RECQL5: variants seen among roughly 807,000 people sequenced by gnomAD.
RECQL5 encodes ATP-dependent DNA helicase Q5.
RECQL5 carries 88 observed loss-of-function variants against 103.4 expected under a neutral mutation model. The observed-to-expected ratio is 0.85, with a 90% CI of 0.72 to 1.02. RECQL5 has a LOEUF of 1.02. Among genes scored for constraint, RECQL5 ranks in the 50% least tolerant of loss-of-function variants. The probability of loss-of-function intolerance (pLI) is 0.00; values close to 1 mark genes in which losing one functional copy is unlikely to be tolerated. For missense variants in RECQL5, 1,232 were observed against 1,284.3 expected, an observed-to-expected ratio of 0.96 and a Z score of 0.62; for synonymous variants, 552 against 507.9, an observed-to-expected ratio of 1.09 and a Z score of -1.17.
chr17:75,640,351 C>T lies in RECQL5; in HGVS notation c.1230-8683G>A. The stretch of plus-strand genomic sequence containing the variant: ...CAGGTTAGTTGGGGCACTCAGCACC[C>T]CATGGCTCTCCCTGGCATCTGGGAG... On this transcript the variant is annotated intron_variant, in intron 8 of 19. Transcript: ENST00000317905. This position sits in a 1 kb window ranked among gnomAD's most constrained non-coding sequence, Gnocchi z 4.6. 1 of 1,521,338 alleles carries T rather than the reference C, an allele frequency of 6.6e-7. No homozygotes were observed. Among genetic ancestry groups the T allele is most frequent in the Non-Finnish European group, 8.9e-7 (1 of 1,129,588 alleles). The allele number at this position is 1,521,338 out of a possible 1,614,324, so 94.2% of individuals were successfully genotyped here.
intron 6 of RECQL5, among the ~76,000 whole-genome samples, chr17:75,659,473 C>A (rs906925267): frequency 6.6e-6 from 1 of 152,288 alleles, no homozygotes; most frequent in Non-Finnish European, 1.5e-5. Flanking sequence ...CCTTCCACCT[C>A]GGCTTCCCAA....
At chr17:75,642,002 C>T (rs1039056076) in intron 8 of RECQL5, among the ~76,000 whole-genome samples, 1 of 152,194 alleles carries the variant, frequency 6.6e-6, no homozygotes, top group Admixed American at 6.5e-5. Context: ...CGGTGCTGGG[C>T]ATATCTTTAG....
chr17:75,663,026 G>A, intron 3 of RECQL5, 29 bp from the exon 4 acceptor site: 2 of 1,554,388 alleles, frequency 1.3e-6, no homozygotes, highest in Non-Finnish European at 1.7e-6. Flanking sequence ...GCTGTAACTG[G>A]CCCTCAGGAC....
intron 8 of RECQL5, chr17:75,649,555 C>T: frequency 1.1e-6 from 1 of 914,114 alleles, no homozygotes; most frequent in Non-Finnish European, 1.3e-6. Flanking sequence ...GGTGCCCGCC[C>T]CAAGGGATCG....
rs1019200115 is a variant in RECQL5 at position 75,630,291 on chromosome 17, G to A, written c.1719-14C>T. 3.2e-6 allele frequency: 5 copies of A among 1,545,188 alleles called. No homozygotes were observed. The highest frequency in any genetic ancestry group is 2.7e-5 in the African/African-American group (2 of 73,126). ...CGGAGGTCAGCTCTGTGGGTGCAAG[G>A]TAACAGGCACAAGGTATCAGGTGGG... is the stretch of plus-strand genomic sequence containing the variant. On this transcript the variant is annotated splice_polypyrimidine_tract_variant and intron_variant, in intron 13 of 19. Transcript: ENST00000317905.
chr17:75,628,194 G>T, intron 18 of RECQL5, 24 bp downstream of exon 18: 2 of 1,595,484 alleles, frequency 1.3e-6, no homozygotes, highest in Non-Finnish European at 1.7e-6. Flanking sequence ...ATGGGAGAAG[G>T]CAGAGCCCAC....
At chr17:75,637,361 G>A (rs559309208) in intron 8 of RECQL5, 1 of 152,524 alleles carries the variant, frequency 6.6e-6, no homozygotes, top group East Asian at 1.9e-4. Flanking sequence ...TAGACAGAGA[G>A]GGAGGGGAGA....
rs752291622 is a variant in RECQL5 at position 75,640,956 on chromosome 17, C to A, written c.1230-9288G>T. On this transcript the variant is annotated intron_variant, in intron 8 of 19. Coordinates refer to ENST00000317905, the MANE Select transcript of RECQL5 (RefSeq NM_004259.7). The surrounding 1 kb of genome is among the most constrained non-coding windows in gnomAD (Gnocchi z 4.6). ...GAGATGGCCAATGCCATGACACAGGCCATCAGCCTGGCCCTGCAGCCCTTA... is the reference window on the plus strand; with the variant it reads ...GAGATGGCCAATGCCATGACACAGGACATCAGCCTGGCCCTGCAGCCCTTA... The A allele has an allele frequency of 7.5e-5, 114 of 1,526,934 alleles. No homozygotes were observed. Among genetic ancestry groups the A allele is most frequent in the Non-Finnish European group, 9.5e-5 (108 of 1,138,642 alleles). The allele number at this position is 1,526,934 out of a possible 1,614,324, so 94.6% of individuals were successfully genotyped here.
At chr17:75,651,338 G>A in intron 7 of RECQL5, 73 bp from the exon 8 acceptor site, 1 of 1,565,046 alleles carries the variant, frequency 6.4e-7, no homozygotes, top group African/African-American at 1.4e-5. Flanking sequence ...AAGTAATGAG[G>A]AGGCCGAGTG....
intron 14 of RECQL5, 122 bp downstream of exon 14, chr17:75,630,062 T>C: frequency 1.7e-6 from 1 of 581,938 alleles, no homozygotes; most frequent in Non-Finnish European, 2.7e-6. Flanking sequence ...AAACTGTCTC[T>C]GGGGTGGGCT....
At chr17:75,645,862 G>A (rs1347732888) in intron 8 of RECQL5, among the ~76,000 whole-genome samples, 1 of 152,040 alleles carries the variant, frequency 6.6e-6, no homozygotes, top group Admixed American at 6.6e-5. Context: ...GTGGGGCCTG[G>A]GCATTTCTCA....
Position 75,629,480 on chromosome 17 carries a change from A to G in RECQL5, c.1948-5T>C. The G allele has an allele frequency of 6.7e-7, 1 of 1,501,922 alleles. No homozygotes were observed. Among genetic ancestry groups the G allele is most frequent in the Non-Finnish European group, 8.9e-7 (1 of 1,125,992 alleles). 93.0% of individuals were successfully genotyped at this position (1,501,922 alleles called of 1,614,324 possible). A position where few individuals can be genotyped will look rare whatever the true frequency, so the allele number is the denominator to read the frequency against. ...TCCCACCCGCTTGGGTTTGAGCTGT[A>G]AATGTGAGCAGGAGGAGAGGAGGTT... On this transcript the variant is annotated splice_polypyrimidine_tract_variant and splice_region_variant and intron_variant, in intron 15 of 19. Coordinates refer to ENST00000317905, the MANE Select transcript of RECQL5 (RefSeq NM_004259.7).
At chr17:75,627,733 T>C in intron 18 of RECQL5, 41 bp from the exon 19 acceptor site, 2 of 1,563,726 alleles carry the variant, frequency 1.3e-6, no homozygotes, top group Non-Finnish European at 1.7e-6. Flanking sequence ...AGCAGGACCC[T>C]TGGTGGCCGG....
intron 16 of RECQL5, 73 bp from the exon 17 acceptor site, chr17:75,628,835 C>T (rs773008871): frequency 6.2e-7 from 1 of 1,600,630 alleles, no homozygotes; most frequent in African/African-American, 1.4e-5. Context: ...CCTAGGAGAG[C>T]CCATCTCAGG....
intron 8 of RECQL5, chr17:75,638,071 C>T (rs973630758): frequency 7.9e-5 from 12 of 152,206 alleles, no homozygotes; most frequent in Non-Finnish European, 1.6e-4. Flanking sequence ...GCACTCACTC[C>T]AGGTGAGGTG....
At position 75,661,938 on chromosome 17, in the gene RECQL5, A is replaced by T. The variant is rs2059705233; in HGVS notation, c.772-230T>A. On this transcript the variant is annotated intron_variant, in intron 4 of 19. Coordinates refer to ENST00000317905, the MANE Select transcript of RECQL5 (RefSeq NM_004259.7). ...CACTTTGGGAGGCCAAGGTGGGGGG[A>T]ATCACTTGAGGCCAGGAGTTAGAGA... Among the ~76,000 whole-genome samples, 4 of 152,104 alleles carry T rather than the reference A, an allele frequency of 2.6e-5. No individual in the cohort carries two copies. The South Asian group carries it at 8.3e-4, about 32-fold the overall frequency.
At chr17:75,658,574 T>C (rs2059657841) in intron 6 of RECQL5, 114 bp from the exon 7 acceptor site, 1 of 946,440 alleles carries the variant, frequency 1.1e-6, no homozygotes, top group Non-Finnish European at 1.6e-6. Flanking sequence ...GGGAGAGGGA[T>C]AGTCCCAGAG....
At position 75,629,688 on chromosome 17, in the gene RECQL5, G is replaced by A; in HGVS notation, c.1947+20C>T. The A allele has an allele frequency of 4.4e-6, 7 of 1,593,150 alleles. No homozygotes were observed. The highest frequency in any genetic ancestry group is 6.0e-6 in the Non-Finnish European group (7 of 1,165,156). ...GCCTTTCCTGGTCACAGGTCTGGAG[G>A]CCACTGGGCCACAGCTCACCGAGTA... is the stretch of plus-strand genomic sequence containing the variant. On this transcript the variant is annotated intron_variant, in intron 15 of 19. Coordinates refer to ENST00000317905, the MANE Select transcript of RECQL5 (RefSeq NM_004259.7).
chr17:75,630,750 G>A lies in RECQL5; in HGVS notation c.1644+29C>T, dbSNP rs769188852. 4 of 1,589,470 alleles carry A rather than the reference G, an allele frequency of 2.5e-6. No homozygotes were observed. The East Asian group carries it at 9.1e-5, about 36-fold the overall frequency. On this transcript the variant is annotated intron_variant, in intron 12 of 19. Transcript: ENST00000317905. ...CTCGCGGCTGGGGGAGGGCCCCGGC[G>A]GGTGGCTGAGGAGCTGCCCGTCTCT...
Sources: allele counts gnomAD v4.1 joint callset (sites outside exome capture counted in the v4.1 genomes callset), GRCh38; gene constraint gnomAD v4.1.1; non-coding constraint Gnocchi (gnomAD v3.1); transcripts MANE v1.5; gene names NCBI Gene and HGNC (gene_info 2026-07-23, HGNC 2026-07-21).